Variants in CLRN1 observed in about 807,000 individuals in gnomAD.
CLRN1 encodes clarin-1.
Under a neutral mutation model 18.7 loss-of-function variants are expected in CLRN1, and 15 were observed. The ratio of observed to expected loss-of-function variants is 0.80; its 90% CI spans 0.54 to 1.23. CLRN1 has a LOEUF of 1.23. Among genes scored for constraint, CLRN1 ranks in the 50% most tolerant of loss-of-function variants. The pLI is 0.00. For missense variants in CLRN1, 311 were observed against 277.5 expected (o/e 1.12, Z -0.86); for synonymous variants, 104 against 102.9 (o/e 1.01, Z -0.07).
At chr3:150,942,680 A>C (rs1713924751) in intron 1 of CLRN1, 1 of 411,124 alleles carries the variant, frequency 2.4e-6, no homozygotes, top group East Asian at 8.5e-5. Flanking sequence ...AAACAAACAA[A>C]TAAACGTGAT....
At chr3:150,956,271 G>T (rs1576641042) in intron 1 of CLRN1, among the ~76,000 whole-genome samples, 1 of 152,172 alleles carries the variant, frequency 6.6e-6, no homozygotes, top group African/African-American at 2.4e-5. Context: ...CTTTCTAAAA[G>T]AATGCTAGTT....
At chr3:150,944,109 C>T in intron 1 of CLRN1, 1 of 533,794 alleles carries the variant, frequency 1.9e-6, no homozygotes, top group Non-Finnish European at 3.4e-6. Context: ...GTGAAACGAG[C>T]TGACACCTGA....
intron 1 of CLRN1, among the ~76,000 whole-genome samples, chr3:150,952,648 A>C (rs1243885966): frequency 6.6e-6 from 1 of 152,060 alleles, no homozygotes; most frequent in Non-Finnish European, 1.5e-5. Context: ...AAACAAACAA[A>C]CAAACCCTGA....
At chr3:150,957,745 G>A (rs1714822974) in intron 1 of CLRN1, among the ~76,000 whole-genome samples, 1 of 152,126 alleles carries the variant, frequency 6.6e-6, no homozygotes, top group African/African-American at 2.4e-5. Flanking sequence ...TGCAACCTCT[G>A]CCTCCCGGGT....
chr3:150,961,737 C>T (rs1715047105), intron 1 of CLRN1, among the ~76,000 whole-genome samples: 2 of 152,170 alleles, frequency 1.3e-5, no homozygotes, highest in Non-Finnish European at 2.9e-5. Context: ...TTTCTTCTTA[C>T]AGAAATGCTC....
chr3:150,933,183 G>A (rs1046139067), intron 2 of CLRN1, among the ~76,000 whole-genome samples: 12 of 152,280 alleles, frequency 7.9e-5, no homozygotes, highest in African/African-American at 2.9e-4. Context: ...TTTATTGAGT[G>A]CCTGTTGCGC....
At chr3:150,943,709 G>A (rs561568034) in intron 1 of CLRN1, 15 of 1,576,052 alleles carry the variant, frequency 9.5e-6, no homozygotes, top group South Asian at 1.1e-5. Flanking sequence ...CACCCTACAT[G>A]ATGAAGCAAA....
intron 2 of CLRN1, among the ~76,000 whole-genome samples, chr3:150,934,884 C>G (rs1045543669): frequency 4.0e-5 from 6 of 151,766 alleles, no homozygotes; most frequent in Non-Finnish European, 8.8e-5. Flanking sequence ...GCTTTTTCAC[C>G]CCCTTTTCCC....
chr3:150,959,464 A>G (rs187040960), intron 1 of CLRN1, among the ~76,000 whole-genome samples: 1 of 152,158 alleles, frequency 6.6e-6, no homozygotes, highest in East Asian at 1.9e-4. Context: ...CCCCGTCTCT[A>G]CTAAAAATAC....
intron 1 of CLRN1, among the ~76,000 whole-genome samples, chr3:150,969,313 ATTTTTTTTT>A (rs1196979915): frequency 2.3e-5 from 1 of 43,544 alleles, no homozygotes; most frequent in Non-Finnish European, 3.8e-5. Flanking sequence ...ATATATATAT[ATTTTTTTTT>A]TTTTTTTTTT....
intron 1 of CLRN1, among the ~76,000 whole-genome samples, chr3:150,948,483 CAAAAAAAAAAAAA>C (rs55846714): frequency 6.3e-4 from 34 of 54,386 alleles, no homozygotes; most frequent in Non-Finnish European, 7.9e-4. Flanking sequence ...GACTCCGTCT[CAAAAAAAAAAAAA>C]AAAAAAAAAA....
At chr3:150,942,862 G>A (rs1018224919) in intron 1 of CLRN1, among the ~76,000 whole-genome samples, 2 of 152,130 alleles carry the variant, frequency 1.3e-5, no homozygotes, top group African/African-American at 2.4e-5. Context: ...CCAGTTCCAG[G>A]CCTGTTTGAT....
At chr3:150,949,885 G>A (rs902286185) in intron 1 of CLRN1, among the ~76,000 whole-genome samples, 1 of 152,152 alleles carries the variant, frequency 6.6e-6, no homozygotes, top group Non-Finnish European at 1.5e-5. Context: ...TAAAGCTGGA[G>A]GCATCATGTT....
chr3:150,969,025 A>C (rs939699478), intron 1 of CLRN1, among the ~76,000 whole-genome samples: 3 of 151,992 alleles, frequency 2.0e-5, no homozygotes, highest in Admixed American at 1.3e-4. Context: ...ACCACACACA[A>C]AAAAATGAGC....
At chr3:150,969,309 ATATATTTTTTT>A (rs1715416046) in intron 1 of CLRN1, among the ~76,000 whole-genome samples, 1 of 61,594 alleles carries the variant, frequency 1.6e-5, no homozygotes, top group Non-Finnish European at 2.8e-5. Context: ...ATATATATAT[ATATATTTTTTT>A]TTTTTTTTTT....
At chr3:150,948,011 C>A (rs968092580) in intron 1 of CLRN1, among the ~76,000 whole-genome samples, 1 of 152,080 alleles carries the variant, frequency 6.6e-6, no homozygotes, top group African/African-American at 2.4e-5. Context: ...AACAAGTCAA[C>A]CCCAAAGCTA....
At chr3:150,966,140 T>C (rs1398657481) in intron 1 of CLRN1, among the ~76,000 whole-genome samples, 3 of 152,024 alleles carry the variant, frequency 2.0e-5, no homozygotes, top group Admixed American at 1.3e-4. Flanking sequence ...GGCAACCCCA[T>C]CTCTACAAAA....
At chr3:150,952,075 T>C (rs1714512346) in intron 1 of CLRN1, among the ~76,000 whole-genome samples, 1 of 152,194 alleles carries the variant, frequency 6.6e-6, no homozygotes, top group Admixed American at 6.5e-5. Flanking sequence ...CCTCCTGTTG[T>C]CAGGACTTGC....
At chr3:150,954,391 A>AT (rs1299791463) in intron 1 of CLRN1, among the ~76,000 whole-genome samples, 2 of 152,040 alleles carry the variant, frequency 1.3e-5, no homozygotes, top group African/African-American at 2.4e-5. Flanking sequence ...GATGTTGAGA[A>AT]TTTTTTTGTG....
Sources: gnomAD v4.1 joint callset for allele counts (sites outside exome capture counted in the v4.1 genomes callset) on GRCh38, gnomAD v4.1.1 for gene constraint, MANE v1.5 for transcripts, NCBI Gene and HGNC (gene_info 2026-07-23, HGNC 2026-07-21) for gene names.